The following WIPI2 variants were observed in gnomAD, a reference collection of about 807,000 sequenced individuals.
WIPI2 encodes the protein WD repeat domain, phosphoinositide interacting 2.
Under a neutral mutation model 52.3 loss-of-function variants are expected in WIPI2, and 28 were observed. That is an observed-to-expected ratio of 0.54 (90% CI 0.40 to 0.73). WIPI2 has a LOEUF of 0.73. WIPI2 is among the 30% of genes least tolerant of loss of function. WIPI2 has a pLI of 0.00. For synonymous variants in WIPI2, 268 were observed against 245.0 expected (o/e 1.09, Z -0.88); for missense variants, 506 against 602.9 (o/e 0.84, Z 1.68).
chr7:5,201,116 T>G (rs1782008715), intron 3 of WIPI2, among the ~76,000 whole-genome samples: 1 of 152,246 alleles, frequency 6.6e-6, no homozygotes, highest in Non-Finnish European at 1.5e-5. Flanking sequence ...CCTGGCTGCC[T>G]TCACGTGAGC....
rs1781785224 is a variant in WIPI2 at position 5,197,120 on chromosome 7, A to AAAC, written c.129-2454_129-2453insCAA. The stretch of plus-strand genomic sequence containing the variant: ...GAGCGGGACTCCGTCTCAAAAAACA[A>AAAC]AAAAAAAAAAAAAAAAAAAAAAAAA... On this transcript the variant is annotated intron_variant, in intron 2 of 12. Coordinates refer to ENST00000288828, the MANE Select transcript of WIPI2 (RefSeq NM_015610.4). 3.0e-5 allele frequency among the ~76,000 whole-genome samples: 2 copies of AAAC among 66,250 alleles called. 1 individual carries two copies. The highest frequency in any genetic ancestry group is 8.4e-5 in the African/African-American group (2 of 23,774). The allele number at this position is 66,250 out of a possible 152,430, so 43.5% of individuals were successfully genotyped here. A position where few individuals can be genotyped will look rare whatever the true frequency, so the allele number is the denominator to read the frequency against.
At chr7:5,203,039 G>T (rs371317271) in intron 3 of WIPI2, among the ~76,000 whole-genome samples, 3 of 152,258 alleles carry the variant, frequency 2.0e-5, no homozygotes, top group South Asian at 2.1e-4. Flanking sequence ...CTGCTCCTTA[G>T]CTCAGCAAAA....
At position 5,217,933 on chromosome 7, in the gene WIPI2, C is replaced by T. The variant is rs1782904247; in HGVS notation, c.588C>T (p.Asn196=). ...VFDTINLRAA[N]MIPAHDSPLA... Reference sequence around the variant, plus strand: ...TGTCCCTTTTTCAGAGAGCTGCAAACATGATTCCGGCTCACGACAGTCCTT... The same window carrying T: ...TGTCCCTTTTTCAGAGAGCTGCAAATATGATTCCGGCTCACGACAGTCCTT... The change falls in exon 7 of 13, where the codon AAC becomes AAT. Residue 196 remains asparagine, a synonymous_variant. Transcript: ENST00000288828. 1.2e-6 allele frequency: 2 copies of T among 1,614,198 alleles called. No homozygotes were observed. The highest frequency in any genetic ancestry group is 1.7e-6 in the Non-Finnish European group (2 of 1,180,018).
intron 3 of WIPI2, chr7:5,214,084 G>T (rs1042112267): frequency 3.7e-6 from 1 of 273,964 alleles, no homozygotes; most frequent in Non-Finnish European, 7.0e-6. Flanking sequence ...TTGGACATGT[G>T]TGATTCTTTG....
chr7:5,190,698 C>G (rs996339183), intron 1 of WIPI2: 9 of 418,182 alleles, frequency 2.2e-5, no homozygotes, highest in Non-Finnish European at 3.7e-5. Flanking sequence ...CCTGGAGCTG[C>G]GGTCCCGGAG....
rs1783720409 is a variant in WIPI2, at chr7:5,231,425, G to A, written c.*478G>A. ...CCAGGGGCTGCCCACCAGGTGTGCT[G>A]GGCAGACTTCAGCTGGGACAGAAGT... On this transcript the variant is annotated 3_prime_UTR_variant, in exon 13 of 13. Coordinates refer to ENST00000288828, the MANE Select transcript of WIPI2 (RefSeq NM_015610.4). 2 of 152,964 alleles carry A rather than the reference G, an allele frequency of 1.3e-5. No individual in the cohort carries two copies. Among genetic ancestry groups the A allele is most frequent in the Admixed American group, 1.3e-4 (2 of 15,304 alleles). 9.5% of individuals were successfully genotyped at this position (152,964 alleles called of 1,614,324 possible).
intron 1 of WIPI2, 133 bp from the exon 2 acceptor site, chr7:5,192,985 C>G: frequency 1.3e-6 from 1 of 788,016 alleles, no homozygotes; most frequent in Non-Finnish European, 2.0e-6. Context: ...CAAACTATAA[C>G]TGTCCTGCCT....
chr7:5,199,708 G>A, intron 3 of WIPI2, 50 bp downstream of exon 3: 2 of 1,342,276 alleles, frequency 1.5e-6, no homozygotes, highest in South Asian at 1.3e-5. Context: ...AAAAAAAGTT[G>A]TACTTGAATT....
chr7:5,194,615 T>G (rs1483825611), intron 2 of WIPI2, among the ~76,000 whole-genome samples: 1 of 152,154 alleles, frequency 6.6e-6, no homozygotes, highest in Admixed American at 6.6e-5. Flanking sequence ...GTCAAAAATA[T>G]ACATTTTCTA....
chr7:5,191,194 G>A (rs2115184687), intron 1 of WIPI2, among the ~76,000 whole-genome samples: 1 of 152,074 alleles, frequency 6.6e-6, no homozygotes, highest in South Asian at 2.1e-4. Context: ...TAACTTTTTT[G>A]TATTTGTAGT....
chr7:5,231,951 T>G lies in WIPI2; in HGVS notation c.*1004T>G, dbSNP rs1562414366. 2.7e-6 allele frequency: 1 copy of G among 372,038 alleles called. No homozygotes were observed. Among genetic ancestry groups the G allele is most frequent in the Non-Finnish European group, 4.8e-6 (1 of 209,328 alleles). The allele number at this position is 372,038 out of a possible 1,614,324, so 23.0% of individuals were successfully genotyped here. On this transcript the variant is annotated 3_prime_UTR_variant, in exon 13 of 13. Transcript: ENST00000288828. ...GTCCTTCACAGGGCGTCATGTGCCT[T>G]TCTATTTTCATCTTAGAAAATTTCC...
rs1781562516 is a variant in WIPI2 at position 5,193,188 on chromosome 7, G to T, written c.128+17G>T. ...TGTTGTCTGGTTAGTTCCAACCCTG[G>T]TTTCTGAAAGTATCACCTTGGAAGG... On this transcript the variant is annotated intron_variant, in intron 2 of 12. Transcript: ENST00000288828. 1 of 1,612,224 alleles carries T rather than the reference G, an allele frequency of 6.2e-7. No individual in the cohort carries two copies. The highest frequency in any genetic ancestry group is 8.5e-7 in the Non-Finnish European group (1 of 1,179,600).
intron 3 of WIPI2, among the ~76,000 whole-genome samples, chr7:5,208,546 A>G (rs980821306): frequency 6.6e-6 from 1 of 152,100 alleles, no homozygotes; most frequent in Non-Finnish European, 1.5e-5. Context: ...AGTTAACACT[A>G]TACATAAAAG....
At chr7:5,222,777 GA>G in intron 8 of WIPI2, 105 bp downstream of exon 8, 2 of 1,155,436 alleles carry the variant, frequency 1.7e-6, no homozygotes, top group Non-Finnish European at 2.6e-6. Context: ...AATTCCACAC[GA>G]GCATTTCTAG....
chr7:5,198,345 G>A (rs1274846406), intron 2 of WIPI2, among the ~76,000 whole-genome samples: 2 of 149,216 alleles, frequency 1.3e-5, no homozygotes, highest in Admixed American at 6.7e-5. Context: ...TTGGAGTCTC[G>A]CTCTATCACC....
intron 4 of WIPI2, 61 bp from the exon 5 acceptor site, chr7:5,216,502 T>C: frequency 1.5e-6 from 2 of 1,309,870 alleles, no homozygotes; most frequent in East Asian, 4.6e-5. Context: ...CAACTGGAGA[T>C]TGGGGCAGGT....
At chr7:5,195,773 G>T (rs1781717371) in intron 2 of WIPI2, among the ~76,000 whole-genome samples, 1 of 152,148 alleles carries the variant, frequency 6.6e-6, no homozygotes, top group Non-Finnish European at 1.5e-5. Flanking sequence ...CAGGCACGGT[G>T]GTCACGCCTG....
intron 7 of WIPI2, chr7:5,218,219 G>C: frequency 1.9e-6 from 1 of 537,870 alleles, no homozygotes; most frequent in Admixed American, 3.3e-5. Flanking sequence ...CGGGAGAGCT[G>C]GTCCACATTT....
intron 3 of WIPI2, among the ~76,000 whole-genome samples, chr7:5,202,865 A>G (rs1782098646): frequency 6.6e-6 from 1 of 152,242 alleles, no homozygotes; most frequent in African/African-American, 2.4e-5. Flanking sequence ...GTTAGGCAAA[A>G]TAAATGAAGG....
Sources: allele counts gnomAD v4.1 joint callset (sites outside exome capture counted in the v4.1 genomes callset), GRCh38; gene constraint gnomAD v4.1.1; transcripts MANE v1.5; gene names NCBI Gene and HGNC (gene_info 2026-07-23, HGNC 2026-07-21).